Variants in AMZ1 observed in about 807,000 individuals in gnomAD.
AMZ1 encodes archaelysin family metallopeptidase 1.
In AMZ1, 39 loss-of-function variants were observed where a neutral mutation model predicts 29.9. That is an observed-to-expected ratio of 1.30 (90% CI 1.01 to 1.70). The LOEUF is 1.70. Among genes scored for constraint, AMZ1 ranks in the 40% most tolerant of loss-of-function variants. AMZ1 has a pLI of 0.00. For synonymous variants in AMZ1, 458 were observed against 304.0 expected (o/e 1.51, Z -5.27); for missense variants, 1,041 against 680.6 (o/e 1.53, Z -5.89).
chr7:2,722,141 G>A (rs978205508), downstream of AMZ1, among the ~76,000 whole-genome samples: 1 of 152,186 alleles, frequency 6.6e-6, no homozygotes, highest in Non-Finnish European at 1.5e-5. Flanking sequence ...GCTGGGGCCT[G>A]AGCACAGGAA....
chr7:2,759,023 C>T (rs1791431362), intron 4 of AMZ1, among the ~76,000 whole-genome samples: 1 of 151,786 alleles, frequency 6.6e-6, no homozygotes, highest in African/African-American at 2.4e-5. Context: ...GCCTGTAATC[C>T]CAGCTACTGG....
intron 4 of AMZ1, among the ~76,000 whole-genome samples, chr7:2,741,424 T>A (rs1417540174): frequency 6.6e-6 from 1 of 152,096 alleles, no homozygotes; most frequent in East Asian, 1.9e-4. Flanking sequence ...TCCAGAGGCT[T>A]CCACCACAGA....
intron 3 of AMZ1, among the ~76,000 whole-genome samples, chr7:2,707,953 A>T (rs1183995760): frequency 7.0e-6 from 1 of 143,738 alleles, no homozygotes; most frequent in African/African-American, 2.8e-5. Flanking sequence ...ACTCCTGAGT[A>T]GTTGGGATTA....
intron 4 of AMZ1, among the ~76,000 whole-genome samples, chr7:2,741,562 C>T (rs1482320670): frequency 6.6e-6 from 1 of 152,120 alleles, no homozygotes; most frequent in Admixed American, 6.5e-5. Context: ...AATTCCAAGT[C>T]TCTTTGGGGC....
chr7:2,696,485 C>A (rs1332350436), intron 1 of AMZ1, among the ~76,000 whole-genome samples: 4 of 151,190 alleles, frequency 2.6e-5, no homozygotes, highest in Non-Finnish European at 4.4e-5. Flanking sequence ...TCTCGATCTC[C>A]TGACCTCGTG....
chr7:2,701,770 G>A (rs1021252421), intron 2 of AMZ1, among the ~76,000 whole-genome samples: 2 of 152,230 alleles, frequency 1.3e-5, no homozygotes, highest in Non-Finnish European at 1.5e-5. Context: ...CTTGCCCCAC[G>A]CAGGCTTGTC....
At chr7:2,725,071 C>G (rs905152572) in intron 4 of AMZ1, among the ~76,000 whole-genome samples, 15 of 152,234 alleles carry the variant, frequency 9.9e-5, no homozygotes, top group African/African-American at 3.4e-4. Context: ...ATCTGGAACT[C>G]CCTCACTTCT....
chr7:2,707,334 C>A (rs1380461178), intron 3 of AMZ1, among the ~76,000 whole-genome samples: 2 of 151,772 alleles, frequency 1.3e-5, no homozygotes, highest in African/African-American at 2.4e-5. Context: ...CAATCTGTTC[C>A]TTTTAATGGT....
Position 2,713,823 on chromosome 7 carries a change from G to A in AMZ1, c.*945G>A, listed in dbSNP as rs757510370. 1.3e-5 allele frequency: 2 copies of A among 152,350 alleles called. No homozygotes were observed. Among genetic ancestry groups the A allele is most frequent in the Non-Finnish European group, 2.9e-5 (2 of 68,066 alleles). The allele number at this position is 152,350 out of a possible 1,614,324, so 9.4% of individuals were successfully genotyped here. A position where few individuals can be genotyped will look rare whatever the true frequency, so the allele number is the denominator to read the frequency against. On this transcript the variant is annotated 3_prime_UTR_variant, in exon 7 of 7. Coordinates refer to ENST00000683327, the MANE Select transcript of AMZ1 (RefSeq NM_001384743.1). The stretch of plus-strand genomic sequence containing the variant: ...CAGCTCACCGTGGGGAAGATCAACT[G>A]TGGTGATGTTTTTGGGACAGTTTCT...
downstream of AMZ1, among the ~76,000 whole-genome samples, chr7:2,721,344 C>A (rs1421727472): frequency 1.3e-5 from 2 of 152,336 alleles, no homozygotes; most frequent in Middle Eastern, 3.4e-3. Context: ...AAGGTGCTTG[C>A]CCCACGGTGG....
At chr7:2,687,667 T>G (rs2115035558), upstream of AMZ1, among the ~76,000 whole-genome samples, 1 of 151,970 alleles carries the variant, frequency 6.6e-6, no homozygotes, top group Admixed American at 6.6e-5. Flanking sequence ...CCACTGACTG[T>G]AGGGCTAACC....
At chr7:2,737,272 T>G (rs1009143114) in intron 4 of AMZ1, among the ~76,000 whole-genome samples, 8 of 54,808 alleles carry the variant, frequency 1.5e-4, no homozygotes, top group Non-Finnish European at 2.8e-4. Flanking sequence ...CAGTTTTGTT[T>G]TGTTTTTTTT....
chr7:2,711,694 C>T (rs1159119027), intron 6 of AMZ1, among the ~76,000 whole-genome samples: 2 of 152,136 alleles, frequency 1.3e-5, no homozygotes, highest in African/African-American at 2.4e-5. Flanking sequence ...GCTGGGATTA[C>T]AAGCGTGAGC....
intron 1 of AMZ1, among the ~76,000 whole-genome samples, chr7:2,695,744 C>A (rs1787674933): frequency 6.6e-6 from 1 of 151,856 alleles, no homozygotes. Flanking sequence ...GGCGCAGTGG[C>A]TCATGCCTAT....
chr7:2,680,848 G>C (rs368076329), intron 1 of AMZ1, among the ~76,000 whole-genome samples: 1 of 152,254 alleles, frequency 6.6e-6, no homozygotes, highest in Non-Finnish European at 1.5e-5. Flanking sequence ...GGTCAAGCCC[G>C]GGGCCAGGCG....
intron 4 of AMZ1, among the ~76,000 whole-genome samples, chr7:2,756,116 A>G (rs147389646): frequency 6.6e-6 from 1 of 152,366 alleles, no homozygotes; most frequent in East Asian, 1.9e-4. Context: ...GATCAACCGA[A>G]TAGAAATGAG....
rs1788537281 is a variant in AMZ1, at chr7:2,708,770, G to A, written c.601+54G>A. 10 of 1,607,696 alleles carry A rather than the reference G, an allele frequency of 6.2e-6. No homozygotes were observed. The South Asian group carries it at 8.8e-5, about 14-fold the overall frequency. On this transcript the variant is annotated intron_variant, in intron 4 of 6. Transcript: ENST00000683327. ...GGGGGGTAGCCTGGCATGGGGCTGT[G>A]GCCTCCGTGGCTGCAGGGCACCCTC...
chr7:2,734,840 C>T (rs79120175), intron 4 of AMZ1, among the ~76,000 whole-genome samples: 3,783 of 152,278 alleles, frequency 0.025, 114 homozygotes, highest in Middle Eastern at 0.075. Context: ...TCGTGACCAC[C>T]GGCTCTCTAG....
Position 2,712,593 on chromosome 7 carries a change from C to T in AMZ1, c.1212C>T (p.Ile404=), listed in dbSNP as rs1788863538. 2 of 1,612,548 alleles carry T rather than the reference C, an allele frequency of 1.2e-6. No homozygotes were observed. Among genetic ancestry groups the T allele is most frequent in the African/African-American group, 1.3e-5 (1 of 75,052 alleles). The change falls in exon 7 of 7, where the codon ATC becomes ATT. Residue 404 remains isoleucine, a synonymous_variant. Coordinates refer to ENST00000683327, the MANE Select transcript of AMZ1 (RefSeq NM_001384743.1). ...CACCTGGGGGCCCTGCGGAGGCCAT[C>T]AAGGAGCATGAACGGTGGCTGGCCA... ...PLPPGGPAEA[I]KEHERWLAMC...
Sources: gnomAD v4.1 joint callset for allele counts (sites outside exome capture counted in the v4.1 genomes callset) on GRCh38, gnomAD v4.1.1 for gene constraint, MANE v1.5 for transcripts, NCBI Gene and HGNC (gene_info 2026-07-23, HGNC 2026-07-21) for gene names.